The following SHANK2 variants were observed in gnomAD, a reference collection of about 807,000 sequenced individuals.
The protein encoded by SHANK2 is SH3 and multiple ankyrin repeat domains 2.
In SHANK2, 43 loss-of-function variants were observed where a neutral mutation model predicts 133.7. That is an observed-to-expected ratio of 0.32 (90% CI 0.25 to 0.41). The LOEUF (loss-of-function observed/expected upper bound fraction) is 0.41, where lower values mean the gene tolerates loss of function less well. Ranked by LOEUF, SHANK2 falls within the 10% of genes least tolerant of loss-of-function variation. The pLI, the probability that SHANK2 is intolerant of heterozygous loss-of-function variation, is 1.00. For synonymous variants in SHANK2, 1,017 were observed against 952.8 expected (o/e 1.07, Z -1.24); for missense variants, 1,994 against 2,235.8 (o/e 0.89, Z 2.18).
intron 20 of SHANK2, among the ~76,000 whole-genome samples, chr11:70,501,373 G>C (rs1565542142): frequency 6.6e-6 from 1 of 152,248 alleles, no homozygotes; most frequent in Admixed American, 6.5e-5. Context: ...CTGTGAGTGA[G>C]AGCACCAGCC....
Position 70,577,338 on chromosome 11 carries a change from G to A in SHANK2, c.2062-74407C>T, listed in dbSNP as rs577047889. On this transcript the variant is annotated intron_variant, in intron 17 of 25. Coordinates refer to ENST00000601538, the MANE Select transcript of SHANK2 (RefSeq NM_012309.5). ...ACCAGGAATGACCCAACCATGTGGA[G>A]AGTGAGGAGGGCCGTGGCCACGCCT... Among the ~76,000 whole-genome samples, 3 of 152,342 alleles carry A rather than the reference G, an allele frequency of 2.0e-5. No homozygotes were observed. The South Asian group carries it at 6.2e-4, about 32-fold the overall frequency.
chr11:70,696,587 A>G (rs1012506089), intron 15 of SHANK2, among the ~76,000 whole-genome samples: 1 of 152,362 alleles, frequency 6.6e-6, no homozygotes, highest in African/African-American at 2.4e-5. Context: ...GTTTGTGGCC[A>G]GGCCATGGAT....
intron 17 of SHANK2, among the ~76,000 whole-genome samples, chr11:70,607,045 G>A (rs1344869109): frequency 2.0e-5 from 3 of 152,260 alleles, no homozygotes; most frequent in East Asian, 1.9e-4. Flanking sequence ...CCACATAGCC[G>A]GGGTCAGTGG....
In SHANK2 at chr11:70,487,629, G is replaced by A. The variant is rs1555154620; in HGVS notation, c.2664C>T (p.Pro888=). ...ACGGGGGCACAGACTGCGGTGGAGG[G>A]GGGATGTCCTCAGAGGTGTCCGGCA... ...LSMPDTSEDI[P]PPPQSVPPSP... Residue 888 remains proline, a synonymous_variant, in exon 25 of 26, where the codon CCC becomes CCT. Transcript: ENST00000601538. This position sits in a 1 kb window ranked among gnomAD's most constrained non-coding sequence, Gnocchi z 5.8. 3 of 1,605,604 alleles carry A rather than the reference G, an allele frequency of 1.9e-6. No individual in the cohort carries two copies. The highest frequency in any genetic ancestry group is 1.7e-4 in the Middle Eastern group (1 of 6,052).
chr11:70,641,102 CT>C (rs71049932), intron 17 of SHANK2, among the ~76,000 whole-genome samples: 15 of 139,098 alleles, frequency 1.1e-4, no homozygotes, highest in Non-Finnish European at 7.7e-5. Context: ...TTTTTCTTTT[CT>C]TTTTTTTTTT....
rs889552812 is a variant in SHANK2, at chr11:70,759,345, C to T, written c.1777+39098G>A. ...AGTAAAAATACAAAAATTAGCCGGGCGTGGTGGCAGGTGCCTGTAATTTCA... is the reference window on the plus strand; with the variant it reads ...AGTAAAAATACAAAAATTAGCCGGGTGTGGTGGCAGGTGCCTGTAATTTCA... On this transcript the variant is annotated intron_variant, in intron 14 of 25. Transcript: ENST00000601538. Among the ~76,000 whole-genome samples the T allele has an allele frequency of 5.3e-5, 8 of 151,920 alleles. No individual in the cohort carries two copies. In the East Asian group the frequency reaches 1.2e-3, roughly 22 times the overall value.
At chr11:70,836,737 C>T (rs1948824168) in intron 11 of SHANK2, among the ~76,000 whole-genome samples, 1 of 152,240 alleles carries the variant, frequency 6.6e-6, no homozygotes, top group African/African-American at 2.4e-5. Context: ...GCTCCCCTCA[C>T]AGACTGACTT....
intron 14 of SHANK2, among the ~76,000 whole-genome samples, chr11:70,745,459 C>T (rs981267071): frequency 3.9e-5 from 6 of 152,202 alleles, no homozygotes; most frequent in African/African-American, 1.2e-4. Flanking sequence ...TCCGGGCCTC[C>T]GTCCCCTCCT....
chr11:70,614,542 A>G (rs1433515865), intron 17 of SHANK2, among the ~76,000 whole-genome samples: 1 of 152,104 alleles, frequency 6.6e-6, no homozygotes, highest in Admixed American at 6.5e-5. Context: ...CCAACTCCTG[A>G]CCTCAGGTGA....
chr11:71,248,707 G>A lies in SHANK2; in HGVS notation c.-113+3718C>T, dbSNP rs1019755176. Among the ~76,000 whole-genome samples the A allele has an allele frequency of 2.0e-5, 3 of 152,158 alleles. No individual in the cohort carries two copies. The East Asian group carries it at 5.8e-4, about 29-fold the overall frequency. ...TAGCGGGTGGCTCTGTCCCCACCCT[G>A]GGAACAAGGACTGGGTCATTCTGCC... On this transcript the variant is annotated intron_variant, in intron 1 of 25. Coordinates refer to ENST00000601538, the MANE Select transcript of SHANK2 (RefSeq NM_012309.5).
chr11:71,105,914 C>T (rs542705226), intron 6 of SHANK2, among the ~76,000 whole-genome samples: 1 of 152,064 alleles, frequency 6.6e-6, no homozygotes, highest in East Asian at 1.9e-4. Flanking sequence ...GGGTACAGCA[C>T]CAAGCGTAAA....
At chr11:71,184,824 G>A (rs1362362203) in intron 2 of SHANK2, among the ~76,000 whole-genome samples, 2 of 152,326 alleles carry the variant, frequency 1.3e-5, no homozygotes, top group African/African-American at 2.4e-5. Flanking sequence ...GTTCTTTGAT[G>A]AGACTGAATA....
At chr11:70,855,097 G>A (rs1181823307) in intron 11 of SHANK2, among the ~76,000 whole-genome samples, 1 of 152,212 alleles carries the variant, frequency 6.6e-6, no homozygotes, top group Non-Finnish European at 1.5e-5. Context: ...TTGGCTAGAT[G>A]CCAGCATATG....
chr11:70,747,050 T>A (rs1946655678), intron 14 of SHANK2, among the ~76,000 whole-genome samples: 2 of 121,380 alleles, frequency 1.6e-5, no homozygotes, highest in East Asian at 2.9e-4. Flanking sequence ...CCTCCACCCC[T>A]GCACTCCCTG....
chr11:70,902,519 C>G (rs1950037813), intron 10 of SHANK2, among the ~76,000 whole-genome samples: 1 of 152,214 alleles, frequency 6.6e-6, no homozygotes, highest in Non-Finnish European at 1.5e-5. Context: ...CTCCCCTTAG[C>G]TCTTGCCCCA....
rs76634527 is a variant in SHANK2 at position 71,216,048 on chromosome 11, T to A, written c.-13+8649A>T. ...AGAGGAGGTCCAACGGCGCAGCCAC[T>A]CTCTGGAACATGGTTTGTCCCTCCT... On this transcript the variant is annotated intron_variant, in intron 2 of 25. Coordinates refer to ENST00000601538, the MANE Select transcript of SHANK2 (RefSeq NM_012309.5). Among the ~76,000 whole-genome samples the A allele has an allele frequency of 0.011, 4 of 360 alleles. No individual in the cohort carries two copies. In the Non-Finnish European group the frequency reaches 0.12, roughly 11 times the overall value. 0.2% of individuals were successfully genotyped at this position (360 alleles called of 152,430 possible).
chr11:70,857,815 A>G (rs1158671557), intron 11 of SHANK2, among the ~76,000 whole-genome samples: 2 of 152,224 alleles, frequency 1.3e-5, no homozygotes, highest in African/African-American at 2.4e-5. Context: ...TGGTGGTAAC[A>G]GCAGATCACA....
At chr11:71,101,379 C>A (rs935306305) in intron 6 of SHANK2, among the ~76,000 whole-genome samples, 1 of 152,296 alleles carries the variant, frequency 6.6e-6, no homozygotes, top group Admixed American at 6.5e-5. Flanking sequence ...CATAGAAAAA[C>A]CCTGAAAGAA....
At chr11:71,220,843 T>G (rs1035210436) in intron 2 of SHANK2, among the ~76,000 whole-genome samples, 4 of 152,244 alleles carry the variant, frequency 2.6e-5, no homozygotes, top group Non-Finnish European at 5.9e-5. Context: ...CTGGAGACGG[T>G]TGGTGGCGAT....
Sources: allele counts gnomAD v4.1 joint callset (sites outside exome capture counted in the v4.1 genomes callset), GRCh38; gene constraint gnomAD v4.1.1; non-coding constraint Gnocchi (gnomAD v3.1); transcripts MANE v1.5; gene names NCBI Gene and HGNC (gene_info 2026-07-23, HGNC 2026-07-21).